The following SCMH1 variants were observed in gnomAD, a reference collection of about 807,000 sequenced individuals.
SCMH1 encodes Scm polycomb group protein homolog 1, also known as polycomb protein SCMH1.
Under a neutral mutation model 70.8 loss-of-function variants are expected in SCMH1, and 37 were observed. The ratio of observed to expected loss-of-function variants is 0.52; its 90% CI spans 0.40 to 0.69. The LOEUF (loss-of-function observed/expected upper bound fraction) is 0.69. Among genes scored for constraint, SCMH1 ranks in the 30% least tolerant of loss-of-function variants. SCMH1 has a pLI of 0.00. For missense variants in SCMH1, 607 were observed against 827.3 expected, an observed-to-expected ratio of 0.73 and a Z score of 3.27; for synonymous variants, 292 against 307.4, an observed-to-expected ratio of 0.95 and a Z score of 0.52.
At chr1:41,077,636 A>G (rs927676792) in intron 8 of SCMH1, among the ~76,000 whole-genome samples, 1 of 152,160 alleles carries the variant, frequency 6.6e-6, no homozygotes. Flanking sequence ...AGGGCTAAGG[A>G]GCTAGAAATT....
At chr1:41,035,488 T>A (rs1645161157) in intron 13 of SCMH1, among the ~76,000 whole-genome samples, 1 of 152,170 alleles carries the variant, frequency 6.6e-6, no homozygotes, top group African/African-American at 2.4e-5. Flanking sequence ...TTTTTCCCCA[T>A]CTTCTTTAAG....
chr1:41,241,979 C>A (rs12754476), intron 1 of SCMH1, 80 bp downstream of exon 1: 16,412 of 152,126 alleles, frequency 0.11, 1,264 homozygotes, highest in East Asian at 0.27. Context: ...CTGCGCAGGT[C>A]CCGCCACCGC....
At chr1:41,094,838 G>T (rs1315927857) in intron 8 of SCMH1, among the ~76,000 whole-genome samples, 1 of 151,328 alleles carries the variant, frequency 6.6e-6, no homozygotes, top group Non-Finnish European at 1.5e-5. Context: ...GCAGTGAGCT[G>T]AGATTGCACC....
rs1034788603 is a variant in SCMH1 at position 41,113,258 on chromosome 1, C to T, written c.745+25G>A. 3.1e-6 allele frequency: 5 copies of T among 1,605,968 alleles called. No individual in the cohort carries two copies. Among genetic ancestry groups the T allele is most frequent in the African/African-American group, 2.7e-5 (2 of 74,476 alleles). On this transcript the variant is annotated intron_variant, in intron 8 of 14. Transcript: ENST00000337495. This position sits in a 1 kb window ranked among gnomAD's most constrained non-coding sequence, Gnocchi z 4.3. ...TCCCTTATCATCTGGGTCCTGATTT[C>T]AAGAGCACGTAGATGGGCCTTTACC...
rs540192148 is a variant in SCMH1, at chr1:41,176,234, G to A, written c.13+9887C>T. On this transcript the variant is annotated intron_variant, in intron 2 of 14. Transcript: ENST00000337495. Reference sequence around the variant, plus strand: ...AAAAGGAAAGAAAGAGGAGAAAAGAGGAAGTATTCCAGTAAAGAAAACAAA... The same window carrying A: ...AAAAGGAAAGAAAGAGGAGAAAAGAAGAAGTATTCCAGTAAAGAAAACAAA... Among the ~76,000 whole-genome samples, 3 of 149,798 alleles carry A rather than the reference G, an allele frequency of 2.0e-5. No homozygotes were observed. In the East Asian group the frequency reaches 5.9e-4, roughly 29 times the overall value.
intron 1 of SCMH1, among the ~76,000 whole-genome samples, chr1:41,231,041 A>G (rs1234255389): frequency 6.6e-6 from 1 of 152,240 alleles, no homozygotes; most frequent in African/African-American, 2.4e-5. Flanking sequence ...TGACTGGATC[A>G]AAGTTGAGAA....
At chr1:41,027,503 G>A (rs1643949491) in exon 15 of SCMH1, 1 of 152,304 alleles carries the variant, frequency 6.6e-6, no homozygotes, top group Non-Finnish European at 1.5e-5. Flanking sequence ...GAAGAGAGGA[G>A]AAGGTGACAG....
intron 12 of SCMH1, 66 bp downstream of exon 12, chr1:41,046,341 G>GC: frequency 7.1e-7 from 1 of 1,413,966 alleles, no homozygotes; most frequent in Non-Finnish European, 9.9e-7. Context: ...CTGACCCTGG[G>GC]CCCCTGCAGG....
intron 12 of SCMH1, among the ~76,000 whole-genome samples, chr1:41,040,780 C>T (rs1395729214): frequency 6.6e-6 from 1 of 152,154 alleles, no homozygotes; most frequent in Non-Finnish European, 1.5e-5. Context: ...AGGAGAATCG[C>T]TTGAACCCGG....
chr1:41,110,400 TA>T (rs1277745058), intron 8 of SCMH1, among the ~76,000 whole-genome samples: 2 of 152,232 alleles, frequency 1.3e-5, no homozygotes, highest in Admixed American at 1.3e-4. Flanking sequence ...TCCCTAATTT[TA>T]AAACATTTTC....
intron 5 of SCMH1, among the ~76,000 whole-genome samples, chr1:41,144,875 T>C (rs1572576156): frequency 6.6e-6 from 1 of 152,208 alleles, no homozygotes; most frequent in East Asian, 1.9e-4. Context: ...TGTGCCTAAC[T>C]GGTCATTTGT....
At position 41,214,100 on chromosome 1, in the gene SCMH1, G is replaced by A. The variant is rs182536061; in HGVS notation, c.-117-27850C>T. On this transcript the variant is annotated intron_variant, in intron 1 of 14. Transcript: ENST00000337495. ...CTCAATTACACACACATGTGCACAT[G>A]CATGCACACATACATGCACACACCT... Among the ~76,000 whole-genome samples the A allele has an allele frequency of 9.0e-4, 137 of 152,166 alleles. 1 individual carries two copies. The highest frequency in any genetic ancestry group is 8.8e-4 in the Non-Finnish European group (60 of 67,988).
chr1:41,226,406 C>T (rs1660275979), intron 1 of SCMH1, among the ~76,000 whole-genome samples: 1 of 151,656 alleles, frequency 6.6e-6, no homozygotes. Context: ...AAAGCATAAG[C>T]AATATGAAAA....
chr1:41,224,863 G>A (rs1216245688), intron 1 of SCMH1, among the ~76,000 whole-genome samples: 3 of 152,004 alleles, frequency 2.0e-5, no homozygotes, highest in African/African-American at 7.2e-5. Flanking sequence ...TTTATTACAA[G>A]TGAAGAAAAA....
At chr1:41,160,949 A>C (rs1285755097) in intron 3 of SCMH1, 51 bp from the exon 4 acceptor site, 1 of 1,500,880 alleles carries the variant, frequency 6.7e-7, no homozygotes, top group Non-Finnish European at 9.1e-7. Flanking sequence ...AAACATACCA[A>C]CATGATGGAA....
At chr1:41,172,463 T>A (rs1646852181) in intron 2 of SCMH1, among the ~76,000 whole-genome samples, 1 of 152,112 alleles carries the variant, frequency 6.6e-6, no homozygotes, top group South Asian at 2.1e-4. Context: ...ATATATCTCA[T>A]GTTCATGGAT....
chr1:41,144,376 A>G (rs1297153904), intron 5 of SCMH1, among the ~76,000 whole-genome samples: 1 of 152,176 alleles, frequency 6.6e-6, no homozygotes, highest in East Asian at 1.9e-4. Flanking sequence ...ATATGTGAAT[A>G]GTTTCTTTCA....
intron 1 of SCMH1, among the ~76,000 whole-genome samples, chr1:41,192,495 G>GACACACGGAGACAC: frequency 6.7e-6 from 1 of 148,744 alleles, no homozygotes; most frequent in East Asian, 2.0e-4. Context: ...TTAAATAGGA[G>GACACACGGAGACAC]ACACACACAC....
chr1:41,186,979 A>G (rs1363886992), intron 1 of SCMH1, among the ~76,000 whole-genome samples: 1 of 152,232 alleles, frequency 6.6e-6, no homozygotes, highest in Non-Finnish European at 1.5e-5. Context: ...ATGGGACTGT[A>G]GCAATTCTTT....
Sources: allele counts gnomAD v4.1 joint callset (sites outside exome capture counted in the v4.1 genomes callset), GRCh38; gene constraint gnomAD v4.1.1; non-coding constraint Gnocchi (gnomAD v3.1); transcripts MANE v1.5; gene names NCBI Gene and HGNC (gene_info 2026-07-23, HGNC 2026-07-21).